Variants in RPS6KA2 observed in about 807,000 individuals in gnomAD.
RPS6KA2 encodes ribosomal protein S6 kinase alpha-2.
RPS6KA2 carries 42 observed loss-of-function variants against 91.8 expected under a neutral mutation model. The ratio of observed to expected loss-of-function variants is 0.46; its 90% CI spans 0.36 to 0.59. The LOEUF (loss-of-function observed/expected upper bound fraction) is 0.59, where lower values mean the gene tolerates loss of function less well. RPS6KA2 is among the 20% of genes least tolerant of loss of function. The probability of loss-of-function intolerance (pLI) is 0.00; values close to 1 mark genes in which losing one functional copy is unlikely to be tolerated. For missense variants in RPS6KA2, 798 were observed against 978.5 expected, an observed-to-expected ratio of 0.82 and a Z score of 2.46; for synonymous variants, 414 against 393.6, an observed-to-expected ratio of 1.05 and a Z score of -0.61.
rs545906964 is a variant in RPS6KA2 at position 166,495,291 on chromosome 6, C to T, written c.747+3217G>A. On this transcript the variant is annotated intron_variant, in intron 8 of 20. Transcript: ENST00000265678. The surrounding 1 kb of genome is among the most constrained non-coding windows in gnomAD (Gnocchi z 4.4). ...ACCACGGCAACAGCCAGCCCTGCCTCGGGCTCGAGAGTGACACAGCAGTTC... is the reference window on the plus strand; with the variant it reads ...ACCACGGCAACAGCCAGCCCTGCCTTGGGCTCGAGAGTGACACAGCAGTTC... Among the ~76,000 whole-genome samples, 11 of 152,116 alleles carry T rather than the reference C, an allele frequency of 7.2e-5. No individual in the cohort carries two copies. In the South Asian group the frequency reaches 1.7e-3, roughly 23 times the overall value.
chr6:166,827,610 C>A (rs1363470334), intron 2 of RPS6KA2, among the ~76,000 whole-genome samples: 5 of 152,200 alleles, frequency 3.3e-5, no homozygotes, highest in African/African-American at 1.2e-4. Context: ...GCATGGAGAA[C>A]ACGGTTATTA....
chr6:166,801,379 G>T (rs927592845), intron 2 of RPS6KA2, among the ~76,000 whole-genome samples: 3 of 152,030 alleles, frequency 2.0e-5, no homozygotes, highest in Non-Finnish European at 4.4e-5. Context: ...GACTCGATCT[G>T]GTACCCAGGC....
Position 166,821,211 on chromosome 6 carries a change from C to T in RPS6KA2, c.123+36989G>A, listed in dbSNP as rs1779896609. Among the ~76,000 whole-genome samples, 1 of 152,100 alleles carries T rather than the reference C, an allele frequency of 6.6e-6. No homozygotes were observed. The highest frequency in any genetic ancestry group is 1.5e-5 in the Non-Finnish European group (1 of 68,018). ...AAATTTGAAGTGTTATTTCGAATTG[C>T]TTAGTGGCTTTATTTTTAAAATATA... On this transcript the variant is annotated intron_variant, in intron 2 of 21. Coordinates refer to the RPS6KA2 transcript ENST00000503859. This position sits in a 1 kb window ranked among gnomAD's most constrained non-coding sequence, Gnocchi z 4.1.
chr6:166,838,154 C>T (rs933184382), intron 2 of RPS6KA2, among the ~76,000 whole-genome samples: 10 of 152,224 alleles, frequency 6.6e-5, no homozygotes, highest in African/African-American at 1.9e-4. Flanking sequence ...AGCCGGTCAG[C>T]GGCTAACATT....
intron 1 of RPS6KA2, among the ~76,000 whole-genome samples, chr6:166,559,312 C>T (rs910899621): frequency 5.9e-5 from 9 of 152,148 alleles, no homozygotes; most frequent in Admixed American, 3.3e-4. Context: ...GGGATAGAGG[C>T]ATGTAACAGG....
intron 10 of RPS6KA2, among the ~76,000 whole-genome samples, chr6:166,487,868 A>T (rs1204967787): frequency 6.6e-6 from 1 of 152,226 alleles, no homozygotes; most frequent in Non-Finnish European, 1.5e-5. Context: ...GTAGGAAGGT[A>T]CTTTTGATTA....
At position 166,645,537 on chromosome 6, in the gene RPS6KA2, T is replaced by C. The variant is rs190887929; in HGVS notation, c.124-106753A>G. The stretch of plus-strand genomic sequence containing the variant: ...TCACCTCTGTCCCTCTCCTAGGCCT[T>C]GGCTAAGACTCCACTCCTGGGAGGT... On this transcript the variant is annotated intron_variant, in intron 2 of 21. Transcript: ENST00000503859. Among the ~76,000 whole-genome samples the C allele has an allele frequency of 1.1e-3, 173 of 152,240 alleles. 1 individual carries two copies. The highest frequency in any genetic ancestry group is 4.0e-3 in the African/African-American group (166 of 41,572).
In RPS6KA2 at chr6:166,627,002, C is replaced by T; in HGVS notation, c.18G>A (p.Lys6=). The change falls in exon 1 of 21, where the codon AAG becomes AAA. Residue 6 remains lysine, a synonymous_variant. Transcript: ENST00000265678. The part of the protein sequence containing the change: MDLSM[K]KFAVRRFFSV... ...AGAAGAACCTGCGCACGGCGAACTT[C>T]TTCATGCTCAGGTCCATCGCCCCGC... 6.5e-7 allele frequency: 1 copy of T among 1,547,284 alleles called. No homozygotes were observed.
intron 3 of RPS6KA2, among the ~76,000 whole-genome samples, chr6:166,527,761 G>A (rs1289765128): frequency 6.6e-6 from 1 of 152,128 alleles, no homozygotes; most frequent in Non-Finnish European, 1.5e-5. Context: ...CCTGTCTCTA[G>A]GGTCTGCCTC....
intron 2 of RPS6KA2, among the ~76,000 whole-genome samples, chr6:166,793,745 A>C (rs1480906528): frequency 4.6e-5 from 7 of 152,144 alleles, no homozygotes; most frequent in African/African-American, 1.4e-4. Context: ...CAAAAACAAG[A>C]AATGGGGAAA....
intron 2 of RPS6KA2, among the ~76,000 whole-genome samples, chr6:166,720,639 A>G (rs957168606): frequency 2.6e-5 from 4 of 152,266 alleles, no homozygotes; most frequent in South Asian, 4.1e-4. Context: ...TAGTTTGAAC[A>G]TATTTCTAAC....
chr6:166,730,389 A>G (rs1790476272), intron 2 of RPS6KA2, among the ~76,000 whole-genome samples: 1 of 149,176 alleles, frequency 6.7e-6, no homozygotes, highest in African/African-American at 2.5e-5. Flanking sequence ...ATATGTCATC[A>G]GTCATAATTT....
At chr6:166,760,658 G>T (rs867482107) in intron 2 of RPS6KA2, among the ~76,000 whole-genome samples, 2 of 152,172 alleles carry the variant, frequency 1.3e-5, no homozygotes, top group Non-Finnish European at 2.9e-5. Context: ...TGCTGGAATC[G>T]CTTGAAATAG....
intron 2 of RPS6KA2, among the ~76,000 whole-genome samples, chr6:166,833,756 C>G (rs1780245907): frequency 6.6e-6 from 1 of 152,212 alleles, no homozygotes; most frequent in South Asian, 2.1e-4. Context: ...ATCTGTTTAT[C>G]TATTCACGAG....
intron 9 of RPS6KA2, 78 bp from the exon 10 acceptor site, chr6:166,488,999 C>CA: frequency 8.1e-7 from 1 of 1,228,246 alleles, no homozygotes; most frequent in Non-Finnish European, 1.2e-6. Flanking sequence ...AGTCAGCATT[C>CA]AGAGACCTCA....
chr6:166,857,160 T>C (rs4710124), intron 2 of RPS6KA2, among the ~76,000 whole-genome samples: 131,480 of 152,272 alleles, frequency 0.86, 57,732 homozygotes, highest in East Asian at 0.96. Context: ...TAGTGAAACG[T>C]AGCGTTCAGC....
intron 6 of RPS6KA2, among the ~76,000 whole-genome samples, chr6:166,503,388 A>G (rs763825402): frequency 6.6e-6 from 1 of 152,228 alleles, no homozygotes; most frequent in Non-Finnish European, 1.5e-5. Flanking sequence ...GCTGCATCTA[A>G]CAACACCAGC....
intron 5 of RPS6KA2, among the ~76,000 whole-genome samples, chr6:166,506,102 TGAC>T (rs1184335713): frequency 6.6e-6 from 1 of 152,000 alleles, no homozygotes; most frequent in East Asian, 1.9e-4. Flanking sequence ...ACTTGCTAAA[TGAC>T]GACCCAAGGT....
At chr6:166,802,441 C>T (rs942958334) in intron 2 of RPS6KA2, among the ~76,000 whole-genome samples, 5 of 152,076 alleles carry the variant, frequency 3.3e-5, no homozygotes, top group Admixed American at 1.3e-4. Flanking sequence ...GACCAGATCT[C>T]GGATTTTGGA....
Sources: gnomAD v4.1 joint callset for allele counts (sites outside exome capture counted in the v4.1 genomes callset) on GRCh38, gnomAD v4.1.1 for gene constraint, Gnocchi (gnomAD v3.1) non-coding constraint, MANE v1.5 for transcripts, NCBI Gene and HGNC (gene_info 2026-07-23, HGNC 2026-07-21) for gene names.